Variants in RGL1 observed in about 807,000 individuals in gnomAD.
RGL1 encodes the protein ral guanine nucleotide dissociation stimulator like 1, also known as ral guanine nucleotide dissociation stimulator-like 1.
RGL1 carries 24 observed loss-of-function variants against 95.2 expected under a neutral mutation model. The observed-to-expected ratio is 0.25, with a 90% confidence interval of 0.18 to 0.35. The LOEUF is 0.35. Among genes scored for constraint, RGL1 ranks in the 10% least tolerant of loss-of-function variants. RGL1 has a pLI of 1.00. For synonymous variants in RGL1, 329 were observed against 344.9 expected (o/e 0.95, Z 0.51); for missense variants, 715 against 936.3 (o/e 0.76, Z 3.08).
At position 183,888,467 on chromosome 1, in the gene RGL1, C is replaced by T. The variant is rs1214156824; in HGVS notation, c.952-7C>T. On this transcript the variant is annotated splice_polypyrimidine_tract_variant and splice_region_variant and intron_variant, in intron 7 of 17. Transcript: ENST00000360851. The stretch of plus-strand genomic sequence containing the variant: ...TGCCTTTTATGTTTTAATCACTCCC[C>T]ATGCAGGAATGTAGACTCCTGAAGA... The T allele has an allele frequency of 2.0e-6, 3 of 1,530,824 alleles. No individual in the cohort carries two copies. The highest frequency in any genetic ancestry group is 2.7e-6 in the Non-Finnish European group (3 of 1,104,462). 94.8% of individuals were successfully genotyped at this position (1,530,824 alleles called of 1,614,324 possible). A position where few individuals can be genotyped will look rare whatever the true frequency, so the allele number is the denominator to read the frequency against.
intron 1 of RGL1, among the ~76,000 whole-genome samples, chr1:183,671,575 G>T (rs1413333630): frequency 6.6e-6 from 1 of 152,124 alleles, no homozygotes; most frequent in Non-Finnish European, 1.5e-5. Flanking sequence ...TGACAGAAAG[G>T]GAATGAAGAG....
intron 2 of RGL1, among the ~76,000 whole-genome samples, chr1:183,810,226 T>C (rs952815138): frequency 2.0e-5 from 3 of 152,218 alleles, no homozygotes; most frequent in African/African-American, 7.2e-5. Flanking sequence ...GTCTTCAGAA[T>C]ATGACAGACT....
Position 183,813,061 on chromosome 1 carries a change from C to T in RGL1, c.138+6576C>T, listed in dbSNP as rs116407545. On this transcript the variant is annotated intron_variant, in intron 2 of 17. Coordinates refer to ENST00000360851, the MANE Select transcript of RGL1 (RefSeq NM_001297671.3). ...ACTGACAGCTGCAGGGGAGATGCATCGGAAGGGAGCCAGACTGGAGCATGG... is the reference window on the plus strand; with the variant it reads ...ACTGACAGCTGCAGGGGAGATGCATTGGAAGGGAGCCAGACTGGAGCATGG... Among the ~76,000 whole-genome samples, 1,276 of 152,180 alleles carry T rather than the reference C, an allele frequency of 8.4e-3. 8 individuals carry two copies. Among genetic ancestry groups the T allele is most frequent in the Non-Finnish European group, 0.013 (856 of 68,008 alleles).
intron 2 of RGL1, among the ~76,000 whole-genome samples, chr1:183,752,364 C>G (rs1030366114): frequency 2.6e-5 from 4 of 151,938 alleles, no homozygotes; most frequent in Admixed American, 6.5e-5. Flanking sequence ...GTAGCTGGGA[C>G]TACAGGTGCA....
At chr1:183,700,734 C>T (rs748845459) in intron 1 of RGL1, among the ~76,000 whole-genome samples, 9 of 151,958 alleles carry the variant, frequency 5.9e-5, no homozygotes, top group Non-Finnish European at 1.2e-4. Context: ...TTAGAAGAGA[C>T]GGGGTTTCAC....
intron 13 of RGL1, among the ~76,000 whole-genome samples, chr1:183,906,771 G>T (rs112853284): frequency 2.1e-5 from 3 of 141,274 alleles, no homozygotes; most frequent in Admixed American, 7.0e-5. Flanking sequence ...GAAACACGCA[G>T]AACTAAATAG....
chr1:183,883,764 A>C lies in RGL1; in HGVS notation c.611-22A>C, dbSNP rs756470467. ...TTATATACACTGGCGCCAAATTACT[A>C]ATCTTTTCCATATGTGAACAGATGG... On this transcript the variant is annotated intron_variant, in intron 5 of 17. Transcript: ENST00000360851. The C allele has an allele frequency of 6.8e-6, 11 of 1,613,276 alleles. No homozygotes were observed. In the Admixed American group the frequency reaches 1.3e-4, roughly 20 times the overall value.
At chr1:183,886,338 AAAG>A (rs1311259126) in intron 7 of RGL1, among the ~76,000 whole-genome samples, 1 of 152,188 alleles carries the variant, frequency 6.6e-6, no homozygotes, top group Admixed American at 6.5e-5. Flanking sequence ...AAGAGATACA[AAAG>A]AAGTTGTGAG....
chr1:183,848,700 G>T (rs1348869544), intron 3 of RGL1, among the ~76,000 whole-genome samples: 2 of 152,066 alleles, frequency 1.3e-5, no homozygotes, highest in African/African-American at 2.4e-5. Flanking sequence ...ACATTTATTA[G>T]ATTTAAAAAT....
intron 1 of RGL1, among the ~76,000 whole-genome samples, chr1:183,671,995 C>T (rs927635683): frequency 4.0e-5 from 6 of 150,178 alleles, no homozygotes; most frequent in Non-Finnish European, 5.9e-5. Flanking sequence ...TGCAGTGGCG[C>T]GATCTTGGCT....
chr1:183,805,260 C>G lies in RGL1; in HGVS notation c.-38C>G, dbSNP rs772042163. On this transcript the variant is annotated 5_prime_UTR_variant, in exon 1 of 18. Coordinates refer to ENST00000360851, the MANE Select transcript of RGL1 (RefSeq NM_001297671.3). ...ATTGCGTTGGCCTCCGAGCAGGGCGCATCATGCAGCGTTCGCGCACCGGAG... is the reference window on the plus strand; with the variant it reads ...ATTGCGTTGGCCTCCGAGCAGGGCGGATCATGCAGCGTTCGCGCACCGGAG... 1 of 1,609,154 alleles carries G rather than the reference C, an allele frequency of 6.2e-7. No homozygotes were observed. The highest frequency in any genetic ancestry group is 1.7e-5 in the Admixed American group (1 of 59,614).
chr1:183,640,983 A>G (rs1181652335), intron 1 of RGL1, among the ~76,000 whole-genome samples: 2 of 152,168 alleles, frequency 1.3e-5, no homozygotes, highest in African/African-American at 2.4e-5. Flanking sequence ...TATAGTTTCT[A>G]TCTTTGAATT....
chr1:183,899,438 G>T (rs954600903), intron 10 of RGL1, among the ~76,000 whole-genome samples: 1 of 152,204 alleles, frequency 6.6e-6, no homozygotes, highest in African/African-American at 2.4e-5. Flanking sequence ...TCTGTAGAAT[G>T]TTCCACAGTT....
At chr1:183,820,968 A>G (rs1662443531) in intron 2 of RGL1, among the ~76,000 whole-genome samples, 1 of 151,950 alleles carries the variant, frequency 6.6e-6, no homozygotes, top group Non-Finnish European at 1.5e-5. Flanking sequence ...CCCCGTCTCT[A>G]CTAAAACTAC....
At chr1:183,821,624 C>T (rs1662499202) in intron 2 of RGL1, among the ~76,000 whole-genome samples, 2 of 152,056 alleles carry the variant, frequency 1.3e-5, no homozygotes, top group East Asian at 3.9e-4. Flanking sequence ...TCAACTAGAC[C>T]AGACCCTGCA....
intron 1 of RGL1, chr1:183,648,708 G>A (rs1309885218): frequency 6.2e-7 from 1 of 1,614,112 alleles, no homozygotes; most frequent in Admixed American, 1.7e-5. Context: ...GCAATCGAGA[G>A]AGAAGCTTAG....
chr1:183,841,797 G>T (rs1034331053), intron 2 of RGL1, among the ~76,000 whole-genome samples: 1 of 152,178 alleles, frequency 6.6e-6, no homozygotes, highest in Admixed American at 6.6e-5. Context: ...GCTTATTTGT[G>T]AGTCAGCTTG....
chr1:183,742,190 A>C lies in RGL1; in HGVS notation c.33A>C (p.Gln11His), dbSNP rs552080126. Residue 11 changes from glutamine (Q) to histidine (H), a missense_variant, in exon 2 of 19, where the codon CAA becomes CAC. Coordinates refer to the RGL1 transcript ENST00000304685. ...TGAAACCTGTGGGAGAACCTACTCA[A>C]GAGGTGTCTAAATTCAAACTTTCCA... is the stretch of plus-strand genomic sequence containing the variant. The C allele has an allele frequency of 1.9e-6, 3 of 1,614,094 alleles. No individual in the cohort carries two copies. The East Asian group carries it at 6.7e-5, about 36-fold the overall frequency.
chr1:183,888,045 G>T (rs963806298), intron 7 of RGL1, among the ~76,000 whole-genome samples: 5 of 152,164 alleles, frequency 3.3e-5, no homozygotes, highest in Non-Finnish European at 5.9e-5. Flanking sequence ...GTGATGAGAT[G>T]TTCAATACCA....
Sources: allele counts gnomAD v4.1 joint callset (sites outside exome capture counted in the v4.1 genomes callset), GRCh38; gene constraint gnomAD v4.1.1; transcripts MANE v1.5; gene names NCBI Gene and HGNC (gene_info 2026-07-23, HGNC 2026-07-21).